Variants in CLIP1 observed in about 807,000 individuals in gnomAD.
CLIP1 encodes the protein CAP-Gly domain-containing linker protein 1.
A neutral mutation model predicts 161.6 loss-of-function variants in CLIP1; 66 were observed. The ratio of observed to expected loss-of-function variants is 0.41; its 90% CI spans 0.33 to 0.50. The LOEUF is 0.50. Among genes scored for constraint, CLIP1 ranks in the 20% least tolerant of loss-of-function variants. The pLI is 0.27. For synonymous variants in CLIP1, 598 were observed against 626.2 expected, an observed-to-expected ratio of 0.96 and a Z score of 0.67; for missense variants, 1,376 against 1,702.0, an observed-to-expected ratio of 0.81 and a Z score of 3.37.
chr12:122,376,497 C>T (rs1183574771), intron 3 of CLIP1, among the ~76,000 whole-genome samples: 2 of 152,012 alleles, frequency 1.3e-5, no homozygotes, highest in African/African-American at 2.4e-5. Flanking sequence ...GACAGAGTCT[C>T]GCTCTGTCTC....
In CLIP1 at chr12:122,365,394, G is replaced by T. The variant is rs138174706; in HGVS notation, c.658-1287C>A. ...TTGGCATTGTTGTAAACAAACAAGG[G>T]CAAGATTCTTGCCAAGAGAAATAAT... is the stretch of plus-strand genomic sequence containing the variant. On this transcript the variant is annotated intron_variant, in intron 3 of 25. Coordinates refer to ENST00000620786, the MANE Select transcript of CLIP1 (RefSeq NM_001247997.2). The T allele has an allele frequency of 1.1e-3, 903 of 832,694 alleles. 36 individuals are homozygous for T. In the African/African-American group the frequency reaches 0.012, roughly 11 times the overall value. The allele number at this position is 832,694 out of a possible 1,614,324, so 51.6% of individuals were successfully genotyped here. A position where few individuals can be genotyped will look rare whatever the true frequency, so the allele number is the denominator to read the frequency against.
chr12:122,292,525 T>C (rs990854631), intron 20 of CLIP1, among the ~76,000 whole-genome samples: 8 of 152,188 alleles, frequency 5.3e-5, no homozygotes, highest in Non-Finnish European at 8.8e-5. Flanking sequence ...CTTATACTCT[T>C]TCCGTCCCAG....
At chr12:122,386,844 A>G (rs941402946) in intron 1 of CLIP1, among the ~76,000 whole-genome samples, 10 of 146,814 alleles carry the variant, frequency 6.8e-5, no homozygotes, top group East Asian at 2.0e-4. Flanking sequence ...AAAAAAAGAG[A>G]GAGAGATTCT....
In CLIP1 at chr12:122,279,254, A is replaced by G; in HGVS notation, c.3648-109T>C. 1.4e-6 allele frequency: 1 copy of G among 710,900 alleles called. No homozygotes were observed. Among genetic ancestry groups the G allele is most frequent in the Non-Finnish European group, 2.2e-6 (1 of 447,232 alleles). The allele number at this position is 710,900 out of a possible 1,614,324, so 44.0% of individuals were successfully genotyped here. On this transcript the variant is annotated intron_variant, in intron 21 of 25. Coordinates refer to ENST00000620786, the MANE Select transcript of CLIP1 (RefSeq NM_001247997.2). The surrounding 1 kb of genome is among the most constrained non-coding windows in gnomAD (Gnocchi z 4.5). ...AATGTTAGTTAATGTAAAAAAAAAA[A>G]TATAACAGGGAAGTTTTATAGGGAG... is the stretch of plus-strand genomic sequence containing the variant.
In CLIP1 at chr12:122,355,350, C is replaced by T. The variant is rs774400190; in HGVS notation, c.1006-38G>A. On this transcript the variant is annotated intron_variant, in intron 5 of 25. Transcript: ENST00000620786. The surrounding 1 kb of genome is among the most constrained non-coding windows in gnomAD (Gnocchi z 4.1). ...GTTAGAGAAATGAAGGGCGATGATG[C>T]TGTCAGAAAAGCGAGGGAGGCGCGA... 2.5e-6 allele frequency: 4 copies of T among 1,587,036 alleles called. No individual in the cohort carries two copies. In the Admixed American group the frequency reaches 5.1e-5, roughly 20 times the overall value.
chr12:122,391,658 T>C (rs1955669485), intron 1 of CLIP1, among the ~76,000 whole-genome samples: 1 of 152,170 alleles, frequency 6.6e-6, no homozygotes, highest in Non-Finnish European at 1.5e-5. Context: ...ATAAATGACA[T>C]TTGGGATGTC....
At chr12:122,301,140 G>A (rs1427721229) in intron 20 of CLIP1, among the ~76,000 whole-genome samples, 1 of 152,176 alleles carries the variant, frequency 6.6e-6, no homozygotes, top group Non-Finnish European at 1.5e-5. Flanking sequence ...TGAAAAGAAT[G>A]CATGATCTTG....
chr12:122,309,935 CTG>C (rs1209826525), intron 19 of CLIP1, 53 bp from the exon 20 acceptor site: 66 of 1,604,436 alleles, frequency 4.1e-5, no homozygotes, highest in Non-Finnish European at 4.9e-5. Context: ...GGCAAGGAAA[CTG>C]TGGGAGACAA....
Position 122,377,582 on chromosome 12 carries a change from C to T in CLIP1, c.464G>A (p.Ser155Asn). The change falls in exon 3 of 26, where the codon AGC becomes AAC. Residue 155 changes from serine to asparagine, a missense_variant. Coordinates refer to ENST00000620786, the MANE Select transcript of CLIP1 (RefSeq NM_001247997.2). Reference protein sequence around the residue: ...ATSPLCTSTASMVSSSPSTPS... With the variant: ...ATSPLCTSTANMVSSSPSTPS... Reference sequence around the variant, plus strand: ...GGTGGAGGGGGAGGAAGACACCATGCTGGCCGTAGAAGTGCACAGCGGTGA... The same window carrying T: ...GGTGGAGGGGGAGGAAGACACCATGTTGGCCGTAGAAGTGCACAGCGGTGA... 1 of 1,613,958 alleles carries T rather than the reference C, an allele frequency of 6.2e-7. No individual in the cohort carries two copies. The highest frequency in any genetic ancestry group is 1.1e-5 in the South Asian group (1 of 91,080).
At position 122,321,409 on chromosome 12, in the gene CLIP1, C is replaced by T. The variant is rs186251168; in HGVS notation, c.3250-2061G>A. Among the ~76,000 whole-genome samples the T allele has an allele frequency of 2.4e-4, 36 of 152,028 alleles. No homozygotes were observed. The East Asian group carries it at 2.5e-3, about 11-fold the overall frequency. On this transcript the variant is annotated intron_variant, in intron 17 of 25. Transcript: ENST00000620786. ...TATAAGCGCACGCCACCACGCCTGG[C>T]GAATTTTTGTATTTTTAGTAGAGAC...
chr12:122,357,404 GC>G, intron 5 of CLIP1, among the ~76,000 whole-genome samples: 1 of 149,688 alleles, frequency 6.7e-6, no homozygotes, highest in East Asian at 2.0e-4. Flanking sequence ...CCGCCCGGCA[GC>G]CGCCCTGTCT....
At chr12:122,380,047 A>G (rs1260435280) in intron 2 of CLIP1, among the ~76,000 whole-genome samples, 2 of 151,892 alleles carry the variant, frequency 1.3e-5, no homozygotes, top group Non-Finnish European at 2.9e-5. Flanking sequence ...GATCGAGACC[A>G]GCCTGGCCAA....
In CLIP1 at chr12:122,355,298, G is replaced by C. The variant is rs780674849; in HGVS notation, c.1020C>G (p.Ser340=). 1 of 1,613,922 alleles carries C rather than the reference G, an allele frequency of 6.2e-7. No homozygotes were observed. Among genetic ancestry groups the C allele is most frequent in the Admixed American group, 1.7e-5 (1 of 59,990 alleles). Residue 340 remains serine (S), a synonymous_variant, in exon 6 of 26, where the codon TCC becomes TCG. Coordinates refer to ENST00000620786, the MANE Select transcript of CLIP1 (RefSeq NM_001247997.2). This position sits in a 1 kb window ranked among gnomAD's most constrained non-coding sequence, Gnocchi z 4.1. ...CGGAGATCTTCCTGGCGTAACGGGA[G>C]GAGGTTTCAGTCAACTGTAAAGGAA... ...PSRTGLLTET[S]SRYARKISGT...
chr12:122,356,138 T>C (rs1461130683), intron 5 of CLIP1: 1 of 152,244 alleles, frequency 6.6e-6, no homozygotes, highest in Non-Finnish European at 1.5e-5. Context: ...TCCTGTTGTC[T>C]TTTTTAACCA....
chr12:122,353,535 G>A (rs1440448275), intron 7 of CLIP1, among the ~76,000 whole-genome samples: 1 of 152,156 alleles, frequency 6.6e-6, no homozygotes, highest in African/African-American at 2.4e-5. Context: ...GATCACTTGA[G>A]CCAGGGATGT....
intron 3 of CLIP1, among the ~76,000 whole-genome samples, chr12:122,369,238 C>G (rs1954313273): frequency 6.6e-6 from 1 of 152,020 alleles, no homozygotes; most frequent in Non-Finnish European, 1.5e-5. Context: ...CCAGGCTAGT[C>G]TCCAACTCCT....
rs1953274015 is a variant in CLIP1 at position 122,355,235 on chromosome 12, C to T, written c.1083G>A (p.Gln361=). The change falls in exon 6 of 26, where the codon CAG becomes CAA. Residue 361 remains glutamine, a synonymous_variant. Coordinates refer to ENST00000620786, the MANE Select transcript of CLIP1 (RefSeq NM_001247997.2). The surrounding 1 kb of genome is among the most constrained non-coding windows in gnomAD (Gnocchi z 4.1). The part of the protein sequence containing the change: ...TALQEALKEK[Q]QHIEQLLAER... ...CCGCCAGCAGCTGCTCAATGTGCTGCTGCTTCTCCTTCAGGGCCTCCTGGA... is the reference window on the plus strand; with the variant it reads ...CCGCCAGCAGCTGCTCAATGTGCTGTTGCTTCTCCTTCAGGGCCTCCTGGA... 1 of 1,614,234 alleles carries T rather than the reference C, an allele frequency of 6.2e-7. No individual in the cohort carries two copies. The highest frequency in any genetic ancestry group is 1.1e-5 in the South Asian group (1 of 91,086).
intron 1 of CLIP1, among the ~76,000 whole-genome samples, chr12:122,401,203 G>C (rs892111652): frequency 6.6e-6 from 1 of 151,584 alleles, no homozygotes; most frequent in East Asian, 2.0e-4. Flanking sequence ...GAGCCACCAC[G>C]ACTGGCCTGG....
At chr12:122,283,619 C>T (rs562301023) in intron 21 of CLIP1, among the ~76,000 whole-genome samples, 51 of 152,110 alleles carry the variant, frequency 3.4e-4, no homozygotes, top group Non-Finnish European at 5.7e-4. Context: ...CCACCACACC[C>T]AGCTAATTTT....
Sources: allele counts gnomAD v4.1 joint callset (sites outside exome capture counted in the v4.1 genomes callset), GRCh38; gene constraint gnomAD v4.1.1; non-coding constraint Gnocchi (gnomAD v3.1); transcripts MANE v1.5; gene names NCBI Gene and HGNC (gene_info 2026-07-23, HGNC 2026-07-21).